ATF2: variants seen among roughly 807,000 people sequenced by gnomAD.
ATF2 encodes cyclic AMP-dependent transcription factor ATF-2.
In ATF2, 24 loss-of-function variants were observed where a neutral mutation model predicts 60.6. That is an observed-to-expected ratio of 0.40 (90% CI 0.29 to 0.56). The LOEUF is 0.56. Among genes scored for constraint, ATF2 ranks in the 20% least tolerant of loss-of-function variants. The pLI, the probability that ATF2 is intolerant of heterozygous loss-of-function variation, is 0.54. For synonymous variants in ATF2, 206 were observed against 215.4 expected (o/e 0.96, Z 0.38); for missense variants, 433 against 607.7 (o/e 0.71, Z 3.02).
chr2:175,119,700 T>C (rs1343855633), intron 5 of ATF2, among the ~76,000 whole-genome samples: 1 of 151,632 alleles, frequency 6.6e-6, no homozygotes, highest in Non-Finnish European at 1.5e-5. Context: ...GTAAGTAAAG[T>C]ACATGTATTA....
At chr2:175,116,874 G>A (rs2105700428) in intron 7 of ATF2, among the ~76,000 whole-genome samples, 1 of 151,994 alleles carries the variant, frequency 6.6e-6, no homozygotes, top group East Asian at 1.9e-4. Context: ...CAACCTTTAT[G>A]TCCAAAAAGA....
intron 13 of ATF2, 150 bp from the exon 14 acceptor site, chr2:175,074,985 A>G: frequency 6.6e-7 from 1 of 1,510,254 alleles, no homozygotes; most frequent in Non-Finnish European, 8.9e-7. Context: ...TAGGTCATGA[A>G]GTAGGCAATT....
At chr2:175,121,287 C>G (rs1043427392) in intron 5 of ATF2, among the ~76,000 whole-genome samples, 157 bp downstream of exon 5, 17 of 151,714 alleles carry the variant, frequency 1.1e-4, no homozygotes, top group African/African-American at 4.1e-4. Context: ...CAGAAGGAAA[C>G]ATGAAAATGT....
chr2:175,095,545 G>A (rs935842045), intron 11 of ATF2, among the ~76,000 whole-genome samples: 3 of 152,160 alleles, frequency 2.0e-5, no homozygotes, highest in Admixed American at 1.3e-4. Context: ...GCTACTCAGA[G>A]TTACATTTGT....
intron 2 of ATF2, among the ~76,000 whole-genome samples, chr2:175,141,017 AAAAAAAAAAAAAAATAT>A (rs1438805882): frequency 6.2e-5 from 7 of 113,094 alleles, no homozygotes; most frequent in African/African-American, 2.4e-4. Context: ...AAAAAAAAAA[AAAAAAAAAAAAAAATAT>A]ATATATATAT....
chr2:175,095,140 C>T (rs1302440587), intron 11 of ATF2, among the ~76,000 whole-genome samples: 4 of 151,682 alleles, frequency 2.6e-5, no homozygotes, highest in Non-Finnish European at 2.9e-5. Context: ...CTCTGTGGCC[C>T]AGGCTGGAGT....
intron 12 of ATF2, among the ~76,000 whole-genome samples, chr2:175,083,768 A>G (rs1221079261): frequency 1.3e-5 from 2 of 152,222 alleles, no homozygotes; most frequent in Non-Finnish European, 2.9e-5. Context: ...TAATATCGAG[A>G]ATCTACAATG....
intron 4 of ATF2, among the ~76,000 whole-genome samples, chr2:175,128,678 G>C (rs1254975919): frequency 1.3e-5 from 2 of 151,918 alleles, no homozygotes; most frequent in Admixed American, 6.6e-5. Flanking sequence ...ACAACCATAA[G>C]AGGAAAAAAA....
chr2:175,134,966 T>C (rs572415671), intron 3 of ATF2, among the ~76,000 whole-genome samples: 1 of 137,880 alleles, frequency 7.3e-6, no homozygotes, highest in African/African-American at 2.8e-5. Flanking sequence ...ATTGTGCCAC[T>C]GCAATCCAGC....
intron 10 of ATF2, among the ~76,000 whole-genome samples, chr2:175,097,990 G>C (rs1240040854): frequency 2.0e-5 from 3 of 152,160 alleles, no homozygotes; most frequent in African/African-American, 7.2e-5. Context: ...GAGCATGACA[G>C]ACCTAGTATT....
At chr2:175,145,984 T>C in intron 2 of ATF2, among the ~76,000 whole-genome samples, 1 of 152,284 alleles carries the variant, frequency 6.6e-6, no homozygotes, top group African/African-American at 2.4e-5. Context: ...AGGGCAAAAG[T>C]AATTTACAGC....
At chr2:175,166,537 T>C (rs1412442517) in intron 1 of ATF2, among the ~76,000 whole-genome samples, 1 of 152,140 alleles carries the variant, frequency 6.6e-6, no homozygotes. Flanking sequence ...GTTTTTACGG[T>C]GGATTCCTCA....
At chr2:175,082,706 T>C (rs1446888781) in intron 12 of ATF2, among the ~76,000 whole-genome samples, 1 of 152,222 alleles carries the variant, frequency 6.6e-6, no homozygotes, top group Non-Finnish European at 1.5e-5. Flanking sequence ...AAGCCTCTCA[T>C]ACCCTTGCTA....
chr2:175,167,302 T>TTTTTTAAATC (rs1700419657), intron 1 of ATF2, among the ~76,000 whole-genome samples: 1 of 151,882 alleles, frequency 6.6e-6, no homozygotes, highest in Non-Finnish European at 1.5e-5. Flanking sequence ...ACATACGCTC[T>TTTTTTAAATC]GCTGTCCACC....
At chr2:175,113,846 C>T (rs1045138283) in intron 9 of ATF2, 148 bp downstream of exon 9, 4 of 741,702 alleles carry the variant, frequency 5.4e-6, no homozygotes, top group Non-Finnish European at 6.8e-6. Context: ...ATGGTATATG[C>T]TATTACAATG....
At chr2:175,162,198 A>G (rs1700069568) in intron 1 of ATF2, among the ~76,000 whole-genome samples, 1 of 152,288 alleles carries the variant, frequency 6.6e-6, no homozygotes, top group Non-Finnish European at 1.5e-5. Context: ...GTAAAATGTC[A>G]GAAAATATGA....
At chr2:175,095,853 A>T (rs1310907751) in intron 11 of ATF2, among the ~76,000 whole-genome samples, 2 of 152,210 alleles carry the variant, frequency 1.3e-5, no homozygotes, top group African/African-American at 4.8e-5. Context: ...AAATGTAAAA[A>T]ATCATACTTA....
chr2:175,118,685 A>G (rs576467559), intron 5 of ATF2, among the ~76,000 whole-genome samples: 8 of 151,818 alleles, frequency 5.3e-5, no homozygotes, highest in Admixed American at 2.0e-4. Flanking sequence ...AACACAGTAT[A>G]AAGAATTTTT....
chr2:175,078,561 T>C (rs1486527490), intron 13 of ATF2, among the ~76,000 whole-genome samples: 5 of 152,196 alleles, frequency 3.3e-5, no homozygotes, highest in African/African-American at 1.2e-4. Flanking sequence ...AGTAGGACTT[T>C]CAGTGCTAAA....
Sources: allele counts gnomAD v4.1 joint callset (sites outside exome capture counted in the v4.1 genomes callset), GRCh38; gene constraint gnomAD v4.1.1; transcripts MANE v1.5; gene names NCBI Gene and HGNC (gene_info 2026-07-23, HGNC 2026-07-21).